The following NUP93 variants were observed in gnomAD, a reference collection of about 807,000 sequenced individuals.
NUP93 encodes nucleoporin 93.
In NUP93, 55 loss-of-function variants were observed where a neutral mutation model predicts 107.8. The ratio of observed to expected loss-of-function variants is 0.51; its 90% CI spans 0.41 to 0.64. The LOEUF (loss-of-function observed/expected upper bound fraction) is 0.64, where lower values mean the gene tolerates loss of function less well. Ranked by LOEUF, NUP93 falls within the 30% of genes least tolerant of loss-of-function variation. NUP93 has a pLI of 0.00. For synonymous variants in NUP93, 390 were observed against 397.5 expected (o/e 0.98, Z 0.22); for missense variants, 937 against 1,044.7 (o/e 0.90, Z 1.42).
chr16:56,827,066 A>AAAAAAAAAAAAAAAT (rs1469520713), intron 8 of NUP93, among the ~76,000 whole-genome samples: 1 of 143,022 alleles, frequency 7.0e-6, no homozygotes, highest in African/African-American at 2.5e-5. Context: ...AAAAAAAAAA[A>AAAAAAAAAAAAAAAT]AAATTTTGTT....
intron 6 of NUP93, among the ~76,000 whole-genome samples, chr16:56,819,642 G>A (rs1282573575): frequency 6.6e-6 from 1 of 152,192 alleles, no homozygotes; most frequent in African/African-American, 2.4e-5. Context: ...GGTGAGCAGG[G>A]GACAGTGAGA....
rs528192126 is a variant in NUP93, at chr16:56,817,073, G to T, written c.490-1591G>T. Among the ~76,000 whole-genome samples, 7 of 152,288 alleles carry T rather than the reference G, an allele frequency of 4.6e-5. No individual in the cohort carries two copies. In the South Asian group the frequency reaches 1.4e-3, roughly 32 times the overall value. ...GAAGTAGGAATTGGGAGTGATCATTGTGCCAGCCAGCAGCATCTACCCAGA... is the reference window on the plus strand; with the variant it reads ...GAAGTAGGAATTGGGAGTGATCATTTTGCCAGCCAGCAGCATCTACCCAGA... On this transcript the variant is annotated intron_variant, in intron 5 of 21. Coordinates refer to ENST00000308159, the MANE Select transcript of NUP93 (RefSeq NM_014669.5).
intron 21 of NUP93, chr16:56,842,845 T>A: frequency 1.3e-5 from 4 of 301,164 alleles, no homozygotes; most frequent in Non-Finnish European, 2.6e-5. Flanking sequence ...GAGCCACCGT[T>A]CCCGGCCCCA....
Position 56,758,601 on chromosome 16 carries a change from G to C in NUP93, c.243G>C (p.Leu81=), listed in dbSNP as rs748498172. ...ACATCTCCCAGCGATTGGAGAGTCT[G>C]AGTGCAGCCACCACCTTTGAGCCTC... ...ISHISQRLES[L]SAATTFEPLE... Residue 81 remains leucine (L), a synonymous_variant, in exon 3 of 22, where the codon CTG becomes CTC. Transcript: ENST00000308159. 6.2e-7 allele frequency: 1 copy of C among 1,613,918 alleles called. No individual in the cohort carries two copies. The highest frequency in any genetic ancestry group is 1.1e-5 in the South Asian group (1 of 91,078).
intron 12 of NUP93, 38 bp from the exon 13 acceptor site, chr16:56,833,177 T>C: frequency 6.4e-7 from 1 of 1,557,302 alleles, no homozygotes. Context: ...CCCTTCTTTC[T>C]AAGTTGGTTT....
chr16:56,805,506 C>G lies in NUP93; in HGVS notation c.363C>G (p.Thr121=). ...LSAIEESRKR[T]FGMAEEYHRE... Reference sequence around the variant, plus strand: ...TGTTCTCTGTTCCTTTCTGGCAGACCTTCGGCATGGCTGAGGAGTACCATC... The same window carrying G: ...TGTTCTCTGTTCCTTTCTGGCAGACGTTCGGCATGGCTGAGGAGTACCATC... Residue 121 remains threonine (T), a splice_region_variant and synonymous_variant, in exon 5 of 22, where the codon ACC becomes ACG. Coordinates refer to ENST00000308159, the MANE Select transcript of NUP93 (RefSeq NM_014669.5). 3 of 1,613,516 alleles carry G rather than the reference C, an allele frequency of 1.9e-6. No individual in the cohort carries two copies. Among genetic ancestry groups the G allele is most frequent in the Non-Finnish European group, 2.5e-6 (3 of 1,179,734 alleles).
chr16:56,791,997 T>C (rs748580265), intron 3 of NUP93, among the ~76,000 whole-genome samples: 1 of 152,162 alleles, frequency 6.6e-6, no homozygotes, highest in Non-Finnish European at 1.5e-5. Flanking sequence ...CCATACCACA[T>C]ATCTCTGTTG....
chr16:56,819,915 C>T (rs1963509234), intron 6 of NUP93, among the ~76,000 whole-genome samples: 1 of 152,274 alleles, frequency 6.6e-6, no homozygotes, highest in Non-Finnish European at 1.5e-5. Flanking sequence ...TCCTTCCAAC[C>T]CCTTTATGTT....
At chr16:56,773,827 T>G (rs1962364790) in intron 3 of NUP93, among the ~76,000 whole-genome samples, 1 of 152,226 alleles carries the variant, frequency 6.6e-6, no homozygotes, top group Non-Finnish European at 1.5e-5. Context: ...GAATTTTCAC[T>G]AAACAAACTG....
At chr16:56,830,188 T>C (rs767321227) in intron 9 of NUP93, among the ~76,000 whole-genome samples, 9 of 152,162 alleles carry the variant, frequency 5.9e-5, no homozygotes, top group Admixed American at 1.3e-4. Context: ...GTGTATATTA[T>C]CACAAAAGAA....
chr16:56,745,238 A>G (rs1247110170), intron 1 of NUP93, among the ~76,000 whole-genome samples: 1 of 152,138 alleles, frequency 6.6e-6, no homozygotes, highest in Non-Finnish European at 1.5e-5. Flanking sequence ...ACGGAGTGCA[A>G]AGGCTGTAAG....
chr16:56,740,416 T>G (rs2144441226), intron 1 of NUP93, among the ~76,000 whole-genome samples: 1 of 147,958 alleles, frequency 6.8e-6, no homozygotes, highest in Admixed American at 6.7e-5. Context: ...GCTCCCCACA[T>G]CTCAGAGGAT....
At chr16:56,773,111 T>G (rs565893260) in intron 3 of NUP93, among the ~76,000 whole-genome samples, 57 of 152,332 alleles carry the variant, frequency 3.7e-4, no homozygotes, top group Admixed American at 1.4e-3. Flanking sequence ...AAGTACTTAG[T>G]AAGTCAAGGT....
intron 3 of NUP93, chr16:56,782,778 C>G (rs1288427382): frequency 6.6e-6 from 1 of 151,980 alleles, no homozygotes; most frequent in East Asian, 1.9e-4. Flanking sequence ...AACTATCTCA[C>G]AGGAAATGTT....
At position 56,824,298 on chromosome 16, in the gene NUP93, CA is replaced by C. The variant is rs111909887; in HGVS notation, c.794+453del. On this transcript the variant is annotated intron_variant, in intron 8 of 21. Transcript: ENST00000308159. ...GTTCTGACTCTACTTGGTTAATTCC[CA>C]TAAGTCAGGGTCATTCTGAGCTGAT... is the stretch of plus-strand genomic sequence containing the variant. Among the ~76,000 whole-genome samples the C allele has an allele frequency of 9.0e-3, 1,366 of 152,286 alleles. 18 individuals are homozygous for C. Among genetic ancestry groups the C allele is most frequent in the African/African-American group, 0.031 (1,289 of 41,550 alleles).
chr16:56,798,490 T>C lies in NUP93; in HGVS notation c.312T>C (p.Asn104=). Reference sequence around the variant, plus strand: ...CCCATTTATAGGGCTTCCTGAAGAATGAGAAGGACAATGCCCTGCTGTCTG... The same window carrying C: ...CCCATTTATAGGGCTTCCTGAAGAACGAGAAGGACAATGCCCTGCTGTCTG... ...KDTDIQGFLK[N]EKDNALLSAI... Residue 104 remains asparagine (N), a synonymous_variant, in exon 4 of 22, where the codon AAT becomes AAC. Coordinates refer to ENST00000308159, the MANE Select transcript of NUP93 (RefSeq NM_014669.5). 6.2e-7 allele frequency: 1 copy of C among 1,614,082 alleles called. No individual in the cohort carries two copies. The highest frequency in any genetic ancestry group is 8.5e-7 in the Non-Finnish European group (1 of 1,179,966).
intron 8 of NUP93, among the ~76,000 whole-genome samples, chr16:56,828,766 T>C (rs567289422): frequency 5.3e-5 from 8 of 152,364 alleles, no homozygotes; most frequent in African/African-American, 1.9e-4. Flanking sequence ...CTTTTGAGTT[T>C]CCTCAGTGAT....
intron 3 of NUP93, among the ~76,000 whole-genome samples, chr16:56,768,492 G>A (rs1020421730): frequency 4.6e-5 from 7 of 151,852 alleles, no homozygotes; most frequent in Admixed American, 6.6e-5. Flanking sequence ...GAACCCGGGA[G>A]GCGGAGGTTG....
chr16:56,733,366 G>A (rs577887720), intron 1 of NUP93, among the ~76,000 whole-genome samples: 12 of 152,226 alleles, frequency 7.9e-5, no homozygotes, highest in Non-Finnish European at 1.3e-4. Context: ...AGGCTTAGTC[G>A]GCGTGCAAGT....
Sources: gnomAD v4.1 joint callset for allele counts (sites outside exome capture counted in the v4.1 genomes callset) on GRCh38, gnomAD v4.1.1 for gene constraint, MANE v1.5 for transcripts, NCBI Gene and HGNC (gene_info 2026-07-23, HGNC 2026-07-21) for gene names.